The following WDR7 variants were observed in gnomAD, a reference collection of about 807,000 sequenced individuals.
WDR7 encodes the protein WD repeat domain 7.
Under a neutral mutation model 169.4 loss-of-function variants are expected in WDR7, and 46 were observed. The observed-to-expected ratio is 0.27, with a 90% CI of 0.21 to 0.35. WDR7 has a LOEUF of 0.35. Among genes scored for constraint, WDR7 ranks in the 10% least tolerant of loss-of-function variants. WDR7 has a pLI of 1.00. For synonymous variants in WDR7, 612 were observed against 666.8 expected (o/e 0.92, Z 1.27); for missense variants, 1,534 against 1,859.3 (o/e 0.83, Z 3.22).
At chr18:57,030,444 T>C (rs1192335444), downstream of WDR7, 1 of 152,196 alleles carries the variant, frequency 6.6e-6, no homozygotes, top group Non-Finnish European at 1.5e-5. Flanking sequence ...AGGAAATGTT[T>C]TAACATCTCA....
At chr18:56,949,156 T>TCTCTCTCTCCCTCTC (rs879455948) in intron 25 of WDR7, among the ~76,000 whole-genome samples, 25 of 143,966 alleles carry the variant, frequency 1.7e-4, no homozygotes, top group African/African-American at 6.3e-4. Flanking sequence ...CTCTCTCTCT[T>TCTCTCTCTCCCTCTC]TCCCTTTGGC....
At chr18:56,716,884 C>T (rs573329422) in intron 12 of WDR7, among the ~76,000 whole-genome samples, 25 of 152,194 alleles carry the variant, frequency 1.6e-4, no homozygotes, top group Non-Finnish European at 3.2e-4. Flanking sequence ...TTTGACCACA[C>T]TTTCCTCCCT....
chr18:56,843,747 G>T (rs1210551012), intron 20 of WDR7, among the ~76,000 whole-genome samples: 1 of 151,874 alleles, frequency 6.6e-6, no homozygotes, highest in East Asian at 1.9e-4. Flanking sequence ...TTGAGGAACT[G>T]TCATACTGTT....
At chr18:56,657,126 A>G (rs1341976470) in intron 1 of WDR7, among the ~76,000 whole-genome samples, 1 of 150,910 alleles carries the variant, frequency 6.6e-6, no homozygotes, top group East Asian at 1.9e-4. Flanking sequence ...TTTATCTGTT[A>G]CATCTCCCTG....
chr18:56,874,663 A>T (rs181896553), intron 20 of WDR7, among the ~76,000 whole-genome samples: 1 of 152,134 alleles, frequency 6.6e-6, no homozygotes, highest in African/African-American at 2.4e-5. Context: ...TTACGTGAGC[A>T]ATTAGAATAG....
intron 24 of WDR7, among the ~76,000 whole-genome samples, chr18:56,939,049 T>G (rs181883791): frequency 6.6e-6 from 1 of 152,204 alleles, no homozygotes; most frequent in Admixed American, 6.5e-5. Flanking sequence ...TAATGTATTA[T>G]GTACATAAAT....
chr18:56,891,138 A>G (rs182195508), intron 21 of WDR7, among the ~76,000 whole-genome samples: 2 of 152,306 alleles, frequency 1.3e-5, no homozygotes, highest in Admixed American at 1.3e-4. Context: ...TCATTAAACT[A>G]CCTTAATGCA....
Position 56,694,939 on chromosome 18 carries a change from A to C in WDR7, c.1109-11A>C, listed in dbSNP as rs774578973. The C allele has an allele frequency of 6.2e-7, 1 of 1,601,836 alleles. No individual in the cohort carries two copies. Among genetic ancestry groups the C allele is most frequent in the Non-Finnish European group, 8.5e-7 (1 of 1,172,784 alleles). ...AATGTTTTTCTTTTATACAAAACCAAACCTCTACAGGGCTGGCAATGACAA... is the reference window on the plus strand; with the variant it reads ...AATGTTTTTCTTTTATACAAAACCACACCTCTACAGGGCTGGCAATGACAA... On this transcript the variant is annotated splice_polypyrimidine_tract_variant and intron_variant, in intron 10 of 27. Coordinates refer to ENST00000254442, the MANE Select transcript of WDR7 (RefSeq NM_015285.3).
chr18:56,941,803 A>G (rs1437946686), intron 25 of WDR7, among the ~76,000 whole-genome samples: 6 of 152,114 alleles, frequency 3.9e-5, no homozygotes, highest in African/African-American at 1.2e-4. Context: ...CCACATCCCA[A>G]AGATGTGCCC....
chr18:56,777,381 C>G (rs545377241), intron 17 of WDR7, among the ~76,000 whole-genome samples: 2 of 152,234 alleles, frequency 1.3e-5, no homozygotes, highest in East Asian at 3.9e-4. Flanking sequence ...CCTATTTACC[C>G]TCTTTACTAT....
intron 20 of WDR7, chr18:56,873,513 G>A (rs1245166803): frequency 6.6e-6 from 1 of 152,156 alleles, no homozygotes; most frequent in Non-Finnish European, 1.5e-5. Flanking sequence ...GGATGGAGGC[G>A]GAGCTCACCA....
chr18:56,730,604 A>C (rs1380832634), intron 13 of WDR7, among the ~76,000 whole-genome samples: 1 of 151,846 alleles, frequency 6.6e-6, no homozygotes, highest in African/African-American at 2.4e-5. Context: ...GTCTCTACTA[A>C]AAATACAAAA....
intron 14 of WDR7, among the ~76,000 whole-genome samples, chr18:56,738,545 G>A (rs995881247): frequency 1.3e-5 from 2 of 152,122 alleles, no homozygotes; most frequent in Non-Finnish European, 2.9e-5. Flanking sequence ...GTGACAGAGC[G>A]AGACCCTGTC....
intron 12 of WDR7, among the ~76,000 whole-genome samples, chr18:56,706,333 T>C (rs2025953776): frequency 6.6e-6 from 1 of 152,144 alleles, no homozygotes; most frequent in Admixed American, 6.5e-5. Flanking sequence ...TCTAAAGGAG[T>C]TGGAGAGCAC....
chr18:56,923,814 T>C (rs934905292), intron 21 of WDR7, 108 bp from the exon 22 acceptor site: 2 of 1,118,580 alleles, frequency 1.8e-6, no homozygotes. Context: ...CAATACCTTT[T>C]TCAGTTAAAA....
In WDR7 at chr18:56,874,478, T is replaced by C. The variant is rs190441775; in HGVS notation, c.3305-5466T>C. On this transcript the variant is annotated intron_variant, in intron 20 of 27. Coordinates refer to ENST00000254442, the MANE Select transcript of WDR7 (RefSeq NM_015285.3). Reference sequence around the variant, plus strand: ...CATACTTTGGTATCAGACTAGAAGATATTTTAATTATTAATTTAAAATATT... The same window carrying C: ...CATACTTTGGTATCAGACTAGAAGACATTTTAATTATTAATTTAAAATATT... 5.6e-3 allele frequency among the ~76,000 whole-genome samples: 846 copies of C among 152,156 alleles called. 10 individuals carry two copies. Among genetic ancestry groups the C allele is most frequent in the African/African-American group, 0.019 (803 of 41,570 alleles).
intron 25 of WDR7, among the ~76,000 whole-genome samples, chr18:56,946,561 A>G (rs951010599): frequency 6.6e-6 from 1 of 152,194 alleles, no homozygotes; most frequent in African/African-American, 2.4e-5. Flanking sequence ...ATGTCTAGGA[A>G]GTTATGGCTT....
chr18:56,655,319 C>A (rs1046416315), intron 1 of WDR7, among the ~76,000 whole-genome samples: 1 of 152,166 alleles, frequency 6.6e-6, no homozygotes, highest in Non-Finnish European at 1.5e-5. Flanking sequence ...CCTGCAACTA[C>A]CTCTGCAATC....
rs201790793 is a variant in WDR7 at position 56,694,470 on chromosome 18, TA to T, written c.967-145del. ...GTATGTTAGTGCTATAGAATTACATTAAAATATTGTTGAATAATCATGCTAT... is the reference window on the plus strand; with the variant it reads ...GTATGTTAGTGCTATAGAATTACATTAAATATTGTTGAATAATCATGCTAT... On this transcript the variant is annotated intron_variant, in intron 9 of 27. Coordinates refer to ENST00000254442, the MANE Select transcript of WDR7 (RefSeq NM_015285.3). 1.4e-3 allele frequency: 962 copies of T among 666,046 alleles called. 14 individuals carry two copies. The African/African-American group carries it at 0.016, about 11-fold the overall frequency. 41.3% of individuals were successfully genotyped at this position (666,046 alleles called of 1,614,324 possible).
Sources: gnomAD v4.1 joint callset for allele counts (sites outside exome capture counted in the v4.1 genomes callset) on GRCh38, gnomAD v4.1.1 for gene constraint, MANE v1.5 for transcripts, NCBI Gene and HGNC (gene_info 2026-07-23, HGNC 2026-07-21) for gene names.